The following KPNA6 variants were observed in gnomAD, a reference collection of about 807,000 sequenced individuals.
KPNA6 encodes the protein karyopherin subunit alpha 6, also known as importin subunit alpha-7.
Under a neutral mutation model 72.0 loss-of-function variants are expected in KPNA6, and 9 were observed. That is an observed-to-expected ratio of 0.13 (90% CI 0.08 to 0.22). The LOEUF is 0.22. Among genes scored for constraint, KPNA6 ranks in the 10% least tolerant of loss-of-function variants. The pLI is 1.00. For missense variants in KPNA6, 374 were observed against 655.7 expected (o/e 0.57, Z 4.69); for synonymous variants, 219 against 242.1 (o/e 0.90, Z 0.89).
chr1:32,126,705 C>T (rs185618398), intron 1 of KPNA6, among the ~76,000 whole-genome samples: 1 of 152,162 alleles, frequency 6.6e-6, no homozygotes, highest in East Asian at 1.9e-4. Flanking sequence ...ATTTAAATCA[C>T]CCAAGAGGCT....
At chr1:32,153,409 T>G (rs1642072870) in intron 1 of KPNA6, among the ~76,000 whole-genome samples, 1 of 151,106 alleles carries the variant, frequency 6.6e-6, no homozygotes, top group South Asian at 2.1e-4. Context: ...CTACTAAAAA[T>G]ACAAAAATTA....
rs905764135 is a variant in KPNA6, at chr1:32,116,300, G to A, written c.4+8166G>A. Among the ~76,000 whole-genome samples the A allele has an allele frequency of 3.3e-5, 5 of 149,776 alleles. No individual in the cohort carries two copies. In the South Asian group the frequency reaches 6.3e-4, roughly 19 times the overall value. ...CTCCTGCCTCAGCCTCCTGAGTAGC[G>A]CCCGGCCGGTTGTTTTTTTTAAACA... is the stretch of plus-strand genomic sequence containing the variant. On this transcript the variant is annotated intron_variant, in intron 1 of 13. Coordinates refer to ENST00000373625, the MANE Select transcript of KPNA6 (RefSeq NM_012316.5).
Position 32,118,997 on chromosome 1 carries a change from CATATATAT to C in KPNA6, c.4+10892_4+10899del, listed in dbSNP as rs71578197. ...ATGTGTGTGTGTGTGTGTGTGTATA[CATATATAT>C]ATATATATATATATATATATATATA... is the stretch of plus-strand genomic sequence containing the variant. On this transcript the variant is annotated intron_variant, in intron 1 of 13. Transcript: ENST00000373625. Among the ~76,000 whole-genome samples, 221 of 59,798 alleles carry C rather than the reference CATATATAT, an allele frequency of 3.7e-3. 3 individuals carry two copies. The highest frequency in any genetic ancestry group is 4.3e-3 in the Non-Finnish European group (146 of 33,890). 39.2% of individuals were successfully genotyped at this position (59,798 alleles called of 152,430 possible). A position where few individuals can be genotyped will look rare whatever the true frequency, so the allele number is the denominator to read the frequency against.
chr1:32,147,206 C>A (rs1220086609), intron 1 of KPNA6, among the ~76,000 whole-genome samples: 1 of 152,134 alleles, frequency 6.6e-6, no homozygotes, highest in Non-Finnish European at 1.5e-5. Flanking sequence ...AGGGAAATGT[C>A]ATAATTCTCC....
chr1:32,114,206 G>T (rs1190587257), intron 1 of KPNA6, among the ~76,000 whole-genome samples: 3 of 152,038 alleles, frequency 2.0e-5, no homozygotes, highest in African/African-American at 7.2e-5. Flanking sequence ...TTGGGAGGCC[G>T]AGGCGGGCAG....
At chr1:32,166,066 T>A (rs759468966) in intron 10 of KPNA6, 39 bp from the exon 11 acceptor site, 19 of 1,564,228 alleles carry the variant, frequency 1.2e-5, no homozygotes, top group Non-Finnish European at 1.6e-5. Flanking sequence ...TAAAAACAGT[T>A]TAATTTTTCT....
At chr1:32,142,823 CA>C in intron 1 of KPNA6, 1 of 539,494 alleles carries the variant, frequency 1.9e-6, no homozygotes, top group South Asian at 2.0e-5. Flanking sequence ...TGTGCTTGTG[CA>C]GATGTTCCTC....
chr1:32,114,710 G>A (rs1254662056), intron 1 of KPNA6, among the ~76,000 whole-genome samples: 1 of 152,156 alleles, frequency 6.6e-6, no homozygotes, highest in Non-Finnish European at 1.5e-5. Flanking sequence ...AGTCCTAGAT[G>A]ACATCTTCCT....
rs759447035 is a variant in KPNA6, at chr1:32,136,181, C to CTTTTTTTTTTTTTTTTTTTT, written c.5-18395_5-18394insTTTTTTTTTTTTTTTTTTTT. 1.6e-4 allele frequency among the ~76,000 whole-genome samples: 22 copies of CTTTTTTTTTTTTTTTTTTTT among 139,288 alleles called. 1 individual carries two copies. The highest frequency in any genetic ancestry group is 8.8e-4 in the East Asian group (4 of 4,570). The allele number at this position is 139,288 out of a possible 152,430, so 91.4% of individuals were successfully genotyped here. A position where few individuals can be genotyped will look rare whatever the true frequency, so the allele number is the denominator to read the frequency against. The stretch of plus-strand genomic sequence containing the variant: ...TAAAATCCACATTTCTAGCTTCTCT[C>CTTTTTTTTTTTTTTTTTTTT]TTTTTTTTTTTTGAGATGGAGTTTC... On this transcript the variant is annotated intron_variant, in intron 1 of 13. Transcript: ENST00000373625.
rs1358703299 is a variant in KPNA6, at chr1:32,173,039, C to G, written c.*2145C>G. Reference sequence around the variant, plus strand: ...GAAAAATCCCACCCATGTTGTACCACCTTGGTGAGTCATATGCCACTCATC... The same window carrying G: ...GAAAAATCCCACCCATGTTGTACCAGCTTGGTGAGTCATATGCCACTCATC... On this transcript the variant is annotated 3_prime_UTR_variant, in exon 14 of 14. Transcript: ENST00000373625. 1.5e-5 allele frequency: 6 copies of G among 398,224 alleles called. No homozygotes were observed. The East Asian group carries it at 2.1e-4, about 14-fold the overall frequency. 24.7% of individuals were successfully genotyped at this position (398,224 alleles called of 1,614,324 possible).
Position 32,174,698 on chromosome 1 carries a change from G to C in KPNA6, c.*3804G>C, listed in dbSNP as rs1169125130. 6.6e-6 allele frequency: 1 copy of C among 152,170 alleles called. No homozygotes were observed. The highest frequency in any genetic ancestry group is 1.5e-5 in the Non-Finnish European group (1 of 68,044). The allele number at this position is 152,170 out of a possible 1,614,324, so 9.4% of individuals were successfully genotyped here. ...GGGAGCCAATTTCCCCCAGGTCCCT[G>C]CAGGTAATCCAGGGACCCCATAGGG... is the stretch of plus-strand genomic sequence containing the variant. On this transcript the variant is annotated 3_prime_UTR_variant, in exon 14 of 14. Coordinates refer to ENST00000373625, the MANE Select transcript of KPNA6 (RefSeq NM_012316.5).
intron 1 of KPNA6, among the ~76,000 whole-genome samples, chr1:32,145,118 A>G (rs1298243162): frequency 6.6e-6 from 1 of 151,502 alleles, no homozygotes; most frequent in Non-Finnish European, 1.5e-5. Context: ...ACACCCAGCT[A>G]ATTTTTTTGT....
At chr1:32,163,796 G>C (rs1642284429) in intron 10 of KPNA6, among the ~76,000 whole-genome samples, 1 of 152,194 alleles carries the variant, frequency 6.6e-6, no homozygotes, top group Non-Finnish European at 1.5e-5. Context: ...TTTGGGTTTT[G>C]AGTAGCGAGC....
At chr1:32,134,598 A>G (rs1387683104) in intron 1 of KPNA6, among the ~76,000 whole-genome samples, 1 of 151,536 alleles carries the variant, frequency 6.6e-6, no homozygotes, top group Non-Finnish European at 1.5e-5. Flanking sequence ...AGACCATGCC[A>G]CTGCACTCAA....
chr1:32,120,812 C>T (rs1569996239), intron 1 of KPNA6, among the ~76,000 whole-genome samples: 2 of 151,512 alleles, frequency 1.3e-5, no homozygotes, highest in East Asian at 3.9e-4. Flanking sequence ...AGGTGATCCT[C>T]CCTCTTTGGC....
intron 1 of KPNA6, among the ~76,000 whole-genome samples, chr1:32,128,191 G>A (rs1329872864): frequency 6.6e-6 from 1 of 151,428 alleles, no homozygotes; most frequent in African/African-American, 2.4e-5. Context: ...TGGAGAAACT[G>A]TTTGGACTAT....
At chr1:32,150,973 G>A (rs764428445) in intron 1 of KPNA6, among the ~76,000 whole-genome samples, 8 of 152,030 alleles carry the variant, frequency 5.3e-5, no homozygotes, top group East Asian at 1.9e-4. Flanking sequence ...CCAGGCTGGA[G>A]TACAGCGGTG....
chr1:32,138,025 C>T (rs1377977624), intron 1 of KPNA6, among the ~76,000 whole-genome samples: 1 of 151,042 alleles, frequency 6.6e-6, no homozygotes, highest in Non-Finnish European at 1.5e-5. Flanking sequence ...ATCCCAGCTA[C>T]TTGGGAGGCT....
At chr1:32,157,618 C>T (rs1197807804) in intron 4 of KPNA6, among the ~76,000 whole-genome samples, 173 bp downstream of exon 4, 1 of 152,210 alleles carries the variant, frequency 6.6e-6, no homozygotes, top group East Asian at 1.9e-4. Flanking sequence ...CTTCCTCTGC[C>T]TGATGTCCTC....
Sources: allele counts gnomAD v4.1 joint callset (sites outside exome capture counted in the v4.1 genomes callset), GRCh38; gene constraint gnomAD v4.1.1; transcripts MANE v1.5; gene names NCBI Gene and HGNC (gene_info 2026-07-23, HGNC 2026-07-21).